Variants in FOCAD observed in about 807,000 individuals in gnomAD.
FOCAD encodes focadhesin.
FOCAD carries 198 observed loss-of-function variants against 225.6 expected under a neutral mutation model. The observed-to-expected ratio is 0.88, with a 90% CI of 0.78 to 0.99. The LOEUF (loss-of-function observed/expected upper bound fraction) is 0.99. Ranked by LOEUF, FOCAD falls within the 50% of genes least tolerant of loss-of-function variation. FOCAD has a pLI of 0.00. For missense variants in FOCAD, 2,713 were observed against 2,123.6 expected, an observed-to-expected ratio of 1.28 and a Z score of -5.46; for synonymous variants, 897 against 755.0, an observed-to-expected ratio of 1.19 and a Z score of -3.08.
chr9:20,995,132 T>A (rs1841962069), intron 43 of FOCAD, among the ~76,000 whole-genome samples: 1 of 152,002 alleles, frequency 6.6e-6, no homozygotes, highest in Non-Finnish European at 1.5e-5. Flanking sequence ...GAACCTAACT[T>A]TATTATAGGT....
chr9:20,781,476 A>T (rs774993712), intron 9 of FOCAD, among the ~76,000 whole-genome samples: 3 of 146,568 alleles, frequency 2.0e-5, no homozygotes, highest in South Asian at 2.2e-4. Flanking sequence ...TGTATTTTTT[A>T]AAAAATTCAT....
chr9:20,799,613 G>T (rs1821557152), intron 11 of FOCAD, among the ~76,000 whole-genome samples: 1 of 151,530 alleles, frequency 6.6e-6, no homozygotes, highest in African/African-American at 2.4e-5. Flanking sequence ...GGCCTTCTTT[G>T]TCTGTTTTGA....
chr9:20,686,930 C>T (rs2131325772), intron 1 of FOCAD, among the ~76,000 whole-genome samples: 1 of 151,306 alleles, frequency 6.6e-6, no homozygotes, highest in East Asian at 1.9e-4. Context: ...TGGAAGAGCC[C>T]ATCTATTTTC....
At chr9:20,925,315 T>C (rs1587628514) in intron 25 of FOCAD, among the ~76,000 whole-genome samples, 1 of 152,184 alleles carries the variant, frequency 6.6e-6, no homozygotes, top group East Asian at 1.9e-4. Flanking sequence ...GTGTTATTTT[T>C]GTTGAACTAC....
intron 19 of FOCAD, among the ~76,000 whole-genome samples, chr9:20,877,138 C>T (rs998136070): frequency 3.6e-5 from 2 of 55,718 alleles, no homozygotes; most frequent in East Asian, 6.6e-4. Context: ...AACTATAGAC[C>T]GATGTGAATT....
intron 17 of FOCAD, among the ~76,000 whole-genome samples, chr9:20,866,226 G>C (rs1829215783): frequency 6.6e-6 from 1 of 151,412 alleles, no homozygotes; most frequent in Admixed American, 6.6e-5. Flanking sequence ...AGGAACTGTT[G>C]ATATTATCTT....
chr9:20,979,971 C>A (rs943783794), intron 37 of FOCAD, among the ~76,000 whole-genome samples: 5 of 152,126 alleles, frequency 3.3e-5, no homozygotes, highest in African/African-American at 1.2e-4. Context: ...ACAGGTTTTT[C>A]AATCATCACC....
intron 28 of FOCAD, among the ~76,000 whole-genome samples, chr9:20,941,377 CGATAACA>C (rs1836645728): frequency 6.6e-6 from 1 of 152,022 alleles, no homozygotes; most frequent in African/African-American, 2.4e-5. Context: ...TTTAGAAATG[CGATAACA>C]TTTGTATAGC....
At chr9:20,658,234 T>A (rs1424759176), upstream of FOCAD, 1 of 153,196 alleles carries the variant, frequency 6.5e-6, no homozygotes, top group Non-Finnish European at 1.5e-5. Flanking sequence ...TCTTTTTGTT[T>A]GTCTGTGCCC....
At chr9:20,844,126 A>G (rs568014606) in intron 15 of FOCAD, among the ~76,000 whole-genome samples, 2 of 152,116 alleles carry the variant, frequency 1.3e-5, no homozygotes, top group Non-Finnish European at 2.9e-5. Context: ...TAAACTATAC[A>G]CTAAAACCTA....
intron 23 of FOCAD, among the ~76,000 whole-genome samples, chr9:20,915,550 T>C (rs990627157): frequency 2.6e-5 from 4 of 152,110 alleles, no homozygotes; most frequent in African/African-American, 9.7e-5. Flanking sequence ...CAGGAGCTCT[T>C]TTGGTAGAGT....
At chr9:20,719,316 C>G (rs1215904918) in intron 3 of FOCAD, among the ~76,000 whole-genome samples, 2 of 152,216 alleles carry the variant, frequency 1.3e-5, no homozygotes, top group African/African-American at 2.4e-5. Flanking sequence ...CTTCTGACCT[C>G]AGTTGATCCA....
intron 35 of FOCAD, among the ~76,000 whole-genome samples, chr9:20,968,317 G>T (rs1445928978): frequency 6.7e-6 from 1 of 148,422 alleles, no homozygotes; most frequent in Non-Finnish European, 1.5e-5. Context: ...ATTCATTTCT[G>T]ATTTTATTTG....
intron 35 of FOCAD, among the ~76,000 whole-genome samples, chr9:20,963,799 C>T (rs1838995332): frequency 6.6e-6 from 1 of 152,180 alleles, no homozygotes; most frequent in South Asian, 2.1e-4. Flanking sequence ...TATGTGTAAT[C>T]AGCATGGAGT....
intron 11 of FOCAD, among the ~76,000 whole-genome samples, chr9:20,800,502 G>C (rs914612216): frequency 6.6e-6 from 1 of 151,888 alleles, no homozygotes; most frequent in Non-Finnish European, 1.5e-5. Context: ...ATGTAAATTT[G>C]GTCTTTTCAC....
At chr9:20,878,611 C>G (rs538033038) in intron 19 of FOCAD, among the ~76,000 whole-genome samples, 110 of 152,208 alleles carry the variant, frequency 7.2e-4, no homozygotes, top group African/African-American at 2.6e-3. Flanking sequence ...TTGGCTTCTC[C>G]AATACCAAAT....
At chr9:20,672,663 C>T (rs1822103397) in intron 2 of FOCAD, among the ~76,000 whole-genome samples, 1 of 152,180 alleles carries the variant, frequency 6.6e-6, no homozygotes, top group Non-Finnish European at 1.5e-5. Flanking sequence ...ATTGGCCGGG[C>T]TGGTCTTGAA....
chr9:20,973,241 C>T (rs1238407090), intron 35 of FOCAD, among the ~76,000 whole-genome samples: 1 of 151,370 alleles, frequency 6.6e-6, no homozygotes, highest in Non-Finnish European at 1.5e-5. Flanking sequence ...CTGATGTGGC[C>T]TCTGCTTCTC....
intron 1 of FOCAD, among the ~76,000 whole-genome samples, chr9:20,694,353 A>G (rs1257806781): frequency 1.3e-5 from 2 of 152,214 alleles, no homozygotes; most frequent in Non-Finnish European, 2.9e-5. Flanking sequence ...GCTATTTTAC[A>G]TTTGAATTTA....
Sources: gnomAD v4.1 joint callset for allele counts (sites outside exome capture counted in the v4.1 genomes callset) on GRCh38, gnomAD v4.1.1 for gene constraint, MANE v1.5 for transcripts, NCBI Gene and HGNC (gene_info 2026-07-23, HGNC 2026-07-21) for gene names.